The following PLA2G5 variants were observed in gnomAD, a reference collection of about 807,000 sequenced individuals.
PLA2G5 encodes Ca2+-dependent phospholipase A2.
In PLA2G5, 12 loss-of-function variants were observed where a neutral mutation model predicts 15.9. The ratio of observed to expected loss-of-function variants is 0.76; its 90% confidence interval spans 0.48 to 1.23. The LOEUF is 1.23. Among genes scored for constraint, PLA2G5 ranks in the 50% most tolerant of loss-of-function variants. The pLI, the probability that PLA2G5 is intolerant of heterozygous loss-of-function variation, is 0.00. For synonymous variants in PLA2G5, 71 were observed against 71.4 expected, an observed-to-expected ratio of 0.99 and a Z score of 0.03; for missense variants, 169 against 177.1, an observed-to-expected ratio of 0.95 and a Z score of 0.26.
rs138473787 is a variant in PLA2G5 at position 20,031,436 on chromosome 1, G to A, written n.276+2727G>A. 1.8e-3 allele frequency among the ~76,000 whole-genome samples: 271 copies of A among 152,222 alleles called. 4 individuals are homozygous for A. In the East Asian group the frequency reaches 0.019, roughly 11 times the overall value. ...GAGATTTGAGTGGGAGAGAAATTTT[G>A]GAAGATACCCTGCAGCCATAGCTCC... On this transcript the variant is annotated intron_variant and non_coding_transcript_variant, in intron 1 of 6. Transcript: ENST00000460175.
chr1:20,034,811 T>C (rs949346745), intron 1 of PLA2G5, among the ~76,000 whole-genome samples: 1 of 152,076 alleles, frequency 6.6e-6, no homozygotes, highest in Non-Finnish European at 1.5e-5. Context: ...GTGCATCCCC[T>C]AAGAAGGCAG....
chr1:20,084,793 C>A lies in PLA2G5; in HGVS notation c.-10-28C>A, dbSNP rs200239836. ...GCCACGGGGGCATTGCCTGATAGATCTGTTGTGGGATGTGTTTTTTTTTCC... is the reference window on the plus strand; with the variant it reads ...GCCACGGGGGCATTGCCTGATAGATATGTTGTGGGATGTGTTTTTTTTTCC... On this transcript the variant is annotated intron_variant, in intron 1 of 4. Coordinates refer to ENST00000375108, the MANE Select transcript of PLA2G5 (RefSeq NM_000929.3). 344 of 1,537,724 alleles carry A rather than the reference C, an allele frequency of 2.2e-4. 1 individual carries two copies. Among genetic ancestry groups the A allele is most frequent in the Admixed American group, 1.4e-3 (81 of 59,778 alleles).
intron 1 of PLA2G5, among the ~76,000 whole-genome samples, chr1:20,075,619 T>C (rs956742323): frequency 7.9e-5 from 12 of 152,308 alleles, no homozygotes; most frequent in Admixed American, 3.3e-4. Context: ...GTCCATGGTG[T>C]GCAGCTTGTA....
At chr1:20,083,301 A>G (rs1463870001) in intron 1 of PLA2G5, among the ~76,000 whole-genome samples, 1 of 151,830 alleles carries the variant, frequency 6.6e-6, no homozygotes, top group African/African-American at 2.4e-5. Flanking sequence ...CAGAGTTGCT[A>G]CTGGACAAGG....
At chr1:20,056,828 TG>T (rs1557733951) in intron 1 of PLA2G5, among the ~76,000 whole-genome samples, 2 of 152,224 alleles carry the variant, frequency 1.3e-5, no homozygotes, top group Non-Finnish European at 2.9e-5. Context: ...AATTTACCAG[TG>T]AAACTATCTG....
At chr1:20,063,019 C>T (rs2100481739) in intron 2 of PLA2G5, among the ~76,000 whole-genome samples, 1 of 152,172 alleles carries the variant, frequency 6.6e-6, no homozygotes, top group East Asian at 1.9e-4. Context: ...CTCATAGTCC[C>T]TCAGAGAGTC....
At chr1:20,034,808 C>T (rs1442044854) in intron 1 of PLA2G5, among the ~76,000 whole-genome samples, 1 of 152,130 alleles carries the variant, frequency 6.6e-6, no homozygotes, top group Non-Finnish European at 1.5e-5. Flanking sequence ...TGAGTGCATC[C>T]CCTAAGAAGG....
chr1:20,069,790 G>T (rs980765823), upstream of PLA2G5, among the ~76,000 whole-genome samples: 7 of 152,178 alleles, frequency 4.6e-5, no homozygotes, highest in African/African-American at 1.7e-4. Flanking sequence ...CCTGATTCTT[G>T]TTGGGATTCT....
At chr1:20,064,322 C>G (rs1360196095) in intron 2 of PLA2G5, among the ~76,000 whole-genome samples, 1 of 152,124 alleles carries the variant, frequency 6.6e-6, no homozygotes. Context: ...GCCTATAATC[C>G]CAGCACTTTG....
At chr1:20,090,418 C>T in intron 4 of PLA2G5, 150 bp from the exon 5 acceptor site, 1 of 769,016 alleles carries the variant, frequency 1.3e-6, no homozygotes, top group East Asian at 2.5e-5. Context: ...CAGCTGTGCC[C>T]CTTCCATCAG....
chr1:20,059,729 A>G (rs2014613841), intron 2 of PLA2G5: 1 of 152,178 alleles, frequency 6.6e-6, no homozygotes, highest in Non-Finnish European at 1.5e-5. Context: ...TGCCTATCAG[A>G]TATATTTGCT....
At chr1:20,082,063 G>A (rs373249976) in intron 1 of PLA2G5, among the ~76,000 whole-genome samples, 20 of 151,892 alleles carry the variant, frequency 1.3e-4, no homozygotes, top group African/African-American at 4.9e-4. Context: ...ATTCGACTGA[G>A]GGACATAAGG....
chr1:20,080,122 G>A (rs1462176183), intron 1 of PLA2G5, among the ~76,000 whole-genome samples: 1 of 152,156 alleles, frequency 6.6e-6, no homozygotes, highest in South Asian at 2.1e-4. Context: ...CTGAGCAGGA[G>A]CCCACGGCTG....
At chr1:20,058,613 T>G (rs941594042) in intron 1 of PLA2G5, among the ~76,000 whole-genome samples, 5 of 152,210 alleles carry the variant, frequency 3.3e-5, no homozygotes, top group African/African-American at 1.2e-4. Context: ...TACAATCATA[T>G]GAGCCTTGAA....
At chr1:20,085,175 T>C (rs2016223660) in intron 2 of PLA2G5, among the ~76,000 whole-genome samples, 1 of 152,168 alleles carries the variant, frequency 6.6e-6, no homozygotes, top group Non-Finnish European at 1.5e-5. Context: ...ATTTTTTCCC[T>C]GTATGCAAAT....
At chr1:20,041,168 G>A (rs1159559010) in intron 1 of PLA2G5, among the ~76,000 whole-genome samples, 2 of 152,122 alleles carry the variant, frequency 1.3e-5, no homozygotes, top group Non-Finnish European at 2.9e-5. Context: ...CTGAGTGGAG[G>A]TACCCCTGAT....
rs556255898 is a variant in PLA2G5, at chr1:20,087,638, A to G, written c.185+1411A>G. 1.7e-4 allele frequency among the ~76,000 whole-genome samples: 26 copies of G among 152,240 alleles called. No individual in the cohort carries two copies. In the South Asian group the frequency reaches 5.4e-3, roughly 32 times the overall value. On this transcript the variant is annotated intron_variant, in intron 3 of 4. Transcript: ENST00000375108. Reference sequence around the variant, plus strand: ...AGCAACAAGCACACTTAATGCCTAGATCTAGTTTCCAATGTCATTCTTCAA... The same window carrying G: ...AGCAACAAGCACACTTAATGCCTAGGTCTAGTTTCCAATGTCATTCTTCAA...
rs11573199 is a variant in PLA2G5 at position 20,071,027 on chromosome 1, C to T, written c.-11+562C>T. Reference sequence around the variant, plus strand: ...TCTCTCTCGCTTCCCTCTCTGAAGACGGTCTAGCTTTGGGCTAAGTATACG... The same window carrying T: ...TCTCTCTCGCTTCCCTCTCTGAAGATGGTCTAGCTTTGGGCTAAGTATACG... On this transcript the variant is annotated intron_variant, in intron 1 of 4. Transcript: ENST00000375108. 1.2e-4 allele frequency: 18 copies of T among 152,322 alleles called. No individual in the cohort carries two copies. In the East Asian group the frequency reaches 3.3e-3, roughly 28 times the overall value. The allele number at this position is 152,322 out of a possible 1,614,324, so 9.4% of individuals were successfully genotyped here. A position where few individuals can be genotyped will look rare whatever the true frequency, so the allele number is the denominator to read the frequency against.
intron 1 of PLA2G5, among the ~76,000 whole-genome samples, chr1:20,047,736 G>C (rs2013983973): frequency 6.6e-6 from 1 of 151,550 alleles, no homozygotes; most frequent in Non-Finnish European, 1.5e-5. Flanking sequence ...GTGTGTGTGT[G>C]TGTGTGTGTG....
Sources: allele counts gnomAD v4.1 joint callset (sites outside exome capture counted in the v4.1 genomes callset), GRCh38; gene constraint gnomAD v4.1.1; transcripts MANE v1.5; gene names NCBI Gene and HGNC (gene_info 2026-07-23, HGNC 2026-07-21).